The following CNTNAP2 variants were observed in gnomAD, a reference collection of about 807,000 sequenced individuals.
CNTNAP2 encodes contactin associated protein 2.
A neutral mutation model predicts 155.2 loss-of-function variants in CNTNAP2; 98 were observed. The ratio of observed to expected loss-of-function variants is 0.63; its 90% CI spans 0.54 to 0.75. The LOEUF is 0.75. Among genes scored for constraint, CNTNAP2 ranks in the 30% least tolerant of loss-of-function variants. The pLI is 0.00. For synonymous variants in CNTNAP2, 651 were observed against 631.2 expected (o/e 1.03, Z -0.47); for missense variants, 1,727 against 1,688.1 (o/e 1.02, Z -0.40).
intron 1 of CNTNAP2, among the ~76,000 whole-genome samples, chr7:146,569,435 C>T (rs1798408143): frequency 4.6e-5 from 7 of 152,314 alleles, no homozygotes; most frequent in Admixed American, 3.9e-4. Context: ...ACATTTCAAA[C>T]TTTATCTTGA....
Position 148,172,486 on chromosome 7 carries a change from G to A in CNTNAP2, c.3010+8G>A, listed in dbSNP as rs1805811984. On this transcript the variant is annotated splice_region_variant and intron_variant, in intron 18 of 23. Coordinates refer to ENST00000361727, the MANE Select transcript of CNTNAP2 (RefSeq NM_014141.6). ...GAACATTTTGCAACAAAGGTAAGGT[G>A]GAACCCATTTCCAGAGCCACTTTTG... The A allele has an allele frequency of 1.9e-6, 3 of 1,612,600 alleles. No homozygotes were observed. The highest frequency in any genetic ancestry group is 2.5e-6 in the Non-Finnish European group (3 of 1,178,804).
chr7:147,183,249 A>C (rs1334814750), intron 8 of CNTNAP2, among the ~76,000 whole-genome samples: 1 of 152,196 alleles, frequency 6.6e-6, no homozygotes, highest in Non-Finnish European at 1.5e-5. Flanking sequence ...ATTGTATCTC[A>C]GATACTCTGA....
chr7:148,309,155 GC>G (rs1797546066), intron 21 of CNTNAP2, among the ~76,000 whole-genome samples: 1 of 152,186 alleles, frequency 6.6e-6, no homozygotes, highest in African/African-American at 2.4e-5. Flanking sequence ...TCTCCACAAA[GC>G]CTAGATTTTC....
At chr7:146,163,569 ATATC>A (rs149621233) in intron 1 of CNTNAP2, among the ~76,000 whole-genome samples, 3,605 of 106,600 alleles carry the variant, frequency 0.034, 121 homozygotes, top group African/African-American at 0.1. Context: ...ATATCTATCT[ATATC>A]TATCTATCTA....
At chr7:146,622,767 AC>A (rs936343786) in intron 1 of CNTNAP2, among the ~76,000 whole-genome samples, 1 of 151,814 alleles carries the variant, frequency 6.6e-6, no homozygotes, top group African/African-American at 2.4e-5. Flanking sequence ...GACCAGCCTG[AC>A]CAATATGGTG....
intron 13 of CNTNAP2, among the ~76,000 whole-genome samples, chr7:147,764,415 T>C (rs1377607636): frequency 6.6e-6 from 1 of 152,342 alleles, no homozygotes; most frequent in East Asian, 1.9e-4. Flanking sequence ...ATTTCACTCT[T>C]GAGGCATTTT....
intron 2 of CNTNAP2, among the ~76,000 whole-genome samples, chr7:146,793,183 C>T (rs1450702891): frequency 3.3e-5 from 5 of 152,084 alleles, no homozygotes; most frequent in Non-Finnish European, 7.4e-5. Flanking sequence ...ATCAGAAATA[C>T]TTCATCTATA....
chr7:147,819,975 G>A (rs1740202276), intron 13 of CNTNAP2, among the ~76,000 whole-genome samples: 1 of 151,978 alleles, frequency 6.6e-6, no homozygotes, highest in Non-Finnish European at 1.5e-5. Flanking sequence ...TAACATTTTT[G>A]TATAAATCTT....
chr7:146,914,255 C>T (rs1033250003), intron 3 of CNTNAP2, among the ~76,000 whole-genome samples: 10 of 151,914 alleles, frequency 6.6e-5, no homozygotes, highest in Non-Finnish European at 1.2e-4. Context: ...ATGCTATAAA[C>T]ATATGTGCAA....
chr7:147,150,676 G>A (rs533519454), intron 8 of CNTNAP2, among the ~76,000 whole-genome samples: 4 of 152,162 alleles, frequency 2.6e-5, no homozygotes, highest in South Asian at 4.1e-4. Flanking sequence ...TGTTATATAC[G>A]TATGAATTAT....
chr7:146,670,878 G>C (rs1015482443), intron 1 of CNTNAP2, among the ~76,000 whole-genome samples: 1 of 152,178 alleles, frequency 6.6e-6, no homozygotes, highest in Non-Finnish European at 1.5e-5. Flanking sequence ...CTATTCCTAA[G>C]ATCCCTGTCT....
intron 8 of CNTNAP2, among the ~76,000 whole-genome samples, chr7:147,138,277 G>A (rs1801528675): frequency 6.6e-6 from 1 of 151,870 alleles, no homozygotes; most frequent in African/African-American, 2.4e-5. Flanking sequence ...AGCTGGAAAG[G>A]AATAGATTCT....
At chr7:146,352,818 G>T (rs570304617) in intron 1 of CNTNAP2, among the ~76,000 whole-genome samples, 31 of 133,000 alleles carry the variant, frequency 2.3e-4, no homozygotes, top group African/African-American at 7.3e-4. Flanking sequence ...TCAGTGGTGC[G>T]ATCTCGGCTC....
At chr7:147,847,426 G>T (rs1273919827) in intron 13 of CNTNAP2, among the ~76,000 whole-genome samples, 1 of 109,996 alleles carries the variant, frequency 9.1e-6, no homozygotes, top group African/African-American at 3.7e-5. Context: ...CGTAGTTCTC[G>T]AGCCTTGGTT....
intron 1 of CNTNAP2, among the ~76,000 whole-genome samples, chr7:146,587,299 C>A (rs1287011557): frequency 6.6e-6 from 1 of 152,136 alleles, no homozygotes; most frequent in African/African-American, 2.4e-5. Context: ...AGACTGTCAG[C>A]TCCTTGGAGG....
intron 1 of CNTNAP2, among the ~76,000 whole-genome samples, chr7:146,162,898 A>G (rs1419240609): frequency 6.6e-6 from 1 of 152,220 alleles, no homozygotes; most frequent in African/African-American, 2.4e-5. Flanking sequence ...TCAGCAAACT[A>G]TCACAAGGAC....
intron 12 of CNTNAP2, among the ~76,000 whole-genome samples, chr7:147,616,899 C>T (rs1801303994): frequency 6.6e-6 from 1 of 152,002 alleles, no homozygotes. Context: ...TGAAGATGTT[C>T]TTGAGTTTGA....
chr7:146,535,784 A>G (rs1797859725), intron 1 of CNTNAP2, among the ~76,000 whole-genome samples: 1 of 151,886 alleles, frequency 6.6e-6, no homozygotes, highest in South Asian at 2.1e-4. Flanking sequence ...CCCCACTTGT[A>G]GTTCCCATTG....
At chr7:146,452,157 T>G (rs1796493524) in intron 1 of CNTNAP2, among the ~76,000 whole-genome samples, 1 of 151,914 alleles carries the variant, frequency 6.6e-6, no homozygotes, top group African/African-American at 2.4e-5. Flanking sequence ...TCCACCCACC[T>G]CGGCCTCCCA....
Sources: gnomAD v4.1 joint callset for allele counts (sites outside exome capture counted in the v4.1 genomes callset) on GRCh38, gnomAD v4.1.1 for gene constraint, MANE v1.5 for transcripts, NCBI Gene and HGNC (gene_info 2026-07-23, HGNC 2026-07-21) for gene names.